GRIN2C: variants seen among roughly 807,000 people sequenced by gnomAD.
The protein encoded by GRIN2C is glutamate ionotropic receptor NMDA type subunit 2C.
A neutral mutation model predicts 77.7 loss-of-function variants in GRIN2C; 64 were observed. The observed-to-expected ratio is 0.82, with a 90% CI of 0.67 to 1.01. GRIN2C has a LOEUF of 1.01. GRIN2C is among the 50% of genes least tolerant of loss of function. GRIN2C has a pLI of 0.00. For missense variants in GRIN2C, 1,549 were observed against 1,486.0 expected (o/e 1.04, Z -0.70); for synonymous variants, 792 against 643.4 (o/e 1.23, Z -3.49).
At chr17:74,861,107 CGAA>C (rs1230927863), upstream of GRIN2C, among the ~76,000 whole-genome samples, 1 of 152,192 alleles carries the variant, frequency 6.6e-6, no homozygotes, top group Non-Finnish European at 1.5e-5. Flanking sequence ...CCGCGCCAAG[CGAA>C]GGAGGAGGAG....
chr17:74,846,413 G>A lies in GRIN2C; in HGVS notation c.2163-160C>T, dbSNP rs1276954686. 6.6e-6 allele frequency among the ~76,000 whole-genome samples: 1 copy of A among 152,166 alleles called. No homozygotes were observed. Among genetic ancestry groups the A allele is most frequent in the Non-Finnish European group, 1.5e-5 (1 of 68,032 alleles). On this transcript the variant is annotated intron_variant, in intron 10 of 12. Coordinates refer to ENST00000293190, the MANE Select transcript of GRIN2C (RefSeq NM_000835.6). The surrounding 1 kb of genome is among the most constrained non-coding windows in gnomAD (Gnocchi z 4.4). ...CTGGTTCTCTTGGGTCCTGGATGGG[G>A]TGAGGACCCCTCCCACCCTCCTCTG...
intron 3 of GRIN2C, 39 bp from the exon 4 acceptor site, chr17:74,851,730 C>G: frequency 7.9e-7 from 1 of 1,265,716 alleles, no homozygotes; most frequent in Non-Finnish European, 1.1e-6. Flanking sequence ...CTGCCAAGGA[C>G]CAGGCACCCC....
In GRIN2C at chr17:74,852,398, G is replaced by A; in HGVS notation, c.613C>T (p.Pro205Ser). The stretch of plus-strand genomic sequence containing the variant: ...TGCGTGCGCGCGCGCGGCCCTCCCG[G>A]GCCCAGCTCCAGCGTGACCACGTCC... ...LLDVVTLELG[P>S]GGPRARTQRL... The change falls in exon 3 of 13, where the codon CCG becomes TCG. Residue 205 changes from proline to serine, a missense_variant. Physicochemically the swap from Pro to Ser is moderately conservative, Grantham distance 74. Around this residue, in one of 3 missense-constraint regions of GRIN2C, gnomAD observed 382 missense variants for 360.0 expected, o/e 1.06. Coordinates refer to ENST00000293190, the MANE Select transcript of GRIN2C (RefSeq NM_000835.6). 4 of 1,462,522 alleles carry A rather than the reference G, an allele frequency of 2.7e-6. No homozygotes were observed. Among genetic ancestry groups the A allele is most frequent in the Non-Finnish European group, 3.6e-6 (4 of 1,115,280 alleles). The allele number at this position is 1,462,522 out of a possible 1,614,324, so 90.6% of individuals were successfully genotyped here.
intron 11 of GRIN2C, among the ~76,000 whole-genome samples, chr17:74,845,081 C>T (rs1329589023): frequency 1.3e-5 from 2 of 151,260 alleles, no homozygotes; most frequent in African/African-American, 4.9e-5. Context: ...ACAGGCACAC[C>T]ACCACACCTG....
intron 11 of GRIN2C, among the ~76,000 whole-genome samples, 169 bp from the exon 12 acceptor site, chr17:74,844,677 G>A (rs541899566): frequency 6.6e-6 from 1 of 152,284 alleles, no homozygotes; most frequent in African/African-American, 2.4e-5. Flanking sequence ...AGGATGGTGG[G>A]GCGGGGAGTG....
chr17:74,852,049 G>A lies in GRIN2C; in HGVS notation c.962C>T (p.Pro321Leu). ...CTCCCGGGCAGGGCTGACGGGCCCA[G>A]GGTGAACACGGCAGTCCCCGGCCGG... The part of the protein sequence containing the change: ...PAPAGDCRVH[P>L]GPVSPAREAF... Residue 321 changes from proline (P) to leucine (L), a missense_variant, in exon 3 of 13, where the codon CCT (proline) becomes CTT (leucine). Transcript: ENST00000293190. 6.8e-7 allele frequency: 1 copy of A among 1,464,664 alleles called. No homozygotes were observed. Among genetic ancestry groups the A allele is most frequent in the Non-Finnish European group, 9.0e-7 (1 of 1,107,384 alleles). 90.7% of individuals were successfully genotyped at this position (1,464,664 alleles called of 1,614,324 possible).
intron 11 of GRIN2C, among the ~76,000 whole-genome samples, chr17:74,844,786 G>A (rs985674312): frequency 2.6e-5 from 4 of 152,134 alleles, no homozygotes; most frequent in Non-Finnish European, 5.9e-5. Context: ...GTAAAGGCTT[G>A]TGATTGGGTA....
chr17:74,852,853 C>T (rs1021299723), intron 2 of GRIN2C: 1 of 408,604 alleles, frequency 2.4e-6, no homozygotes, highest in African/African-American at 2.1e-5. Context: ...ATCAGCACCA[C>T]TGGGGAGTTT....
rs759809571 is a variant in GRIN2C at position 74,842,475 on chromosome 17, C to T, written c.3662G>A (p.Cys1221Tyr). 9 of 777,562 alleles carry T rather than the reference C, an allele frequency of 1.2e-5. No individual in the cohort carries two copies. Among genetic ancestry groups the T allele is most frequent in the Admixed American group, 8.6e-5 (5 of 58,456 alleles). 48.2% of individuals were successfully genotyped at this position (777,562 alleles called of 1,614,324 possible). A position where few individuals can be genotyped will look rare whatever the true frequency, so the allele number is the denominator to read the frequency against. The change falls in exon 13 of 13, where the codon TGC (cysteine) becomes TAC (tyrosine). Residue 1221 changes from cysteine (C) to tyrosine (Y), a missense_variant. Physicochemically the swap from Cys to Tyr is radical, Grantham distance 194. Coordinates refer to ENST00000293190, the MANE Select transcript of GRIN2C (RefSeq NM_000835.6). ...ARGTQGFPGP[C>Y]TWRRISSLES... ...CAGACTGGAGATCCGTCTCCAGGTG[C>T]AGGGTCCCGGGAAGCCTTGCGTCCC...
At chr17:74,844,164 A>G (rs1382867483) in intron 12 of GRIN2C, 112 bp downstream of exon 12, 3 of 1,504,110 alleles carry the variant, frequency 2.0e-6, no homozygotes, top group East Asian at 4.7e-5. Context: ...GTGAGCCATG[A>G]GCCGGGCCAG....
rs753940476 is a variant in GRIN2C at position 74,847,418 on chromosome 17, C to T, written c.1891G>A (p.Val631Ile). 30 of 1,613,974 alleles carry T rather than the reference C, an allele frequency of 1.9e-5. No individual in the cohort carries two copies. The highest frequency in any genetic ancestry group is 2.5e-5 in the Non-Finnish European group (29 of 1,179,976). The part of the protein sequence containing the change: ...RGTTSKIMVL[V>I]WAFFAVIFLA... ...AAGATGACAGCAAAGAAGGCCCAGA[C>T]CAGAACCATGATCTTGCTGGTGGTG... is the stretch of plus-strand genomic sequence containing the variant. The change falls in exon 9 of 13, where the codon GTC becomes ATC. Residue 631 changes from valine (V) to isoleucine (I), a missense_variant. This residue lies in a region of GRIN2C where 717 missense variants were observed against 858.1 expected (regional missense o/e 0.84). Coordinates refer to ENST00000293190, the MANE Select transcript of GRIN2C (RefSeq NM_000835.6). This position sits in a 1 kb window ranked among gnomAD's most constrained non-coding sequence, Gnocchi z 5.2.
chr17:74,843,681 C>T, intron 12 of GRIN2C, 128 bp from the exon 13 acceptor site: 1 of 1,256,132 alleles, frequency 8.0e-7, no homozygotes, highest in East Asian at 2.6e-5. Context: ...AACTGTGAAG[C>T]ATCTCCCATG....
chr17:74,848,692 T>A (rs2037536949), intron 7 of GRIN2C, among the ~76,000 whole-genome samples: 1 of 143,298 alleles, frequency 7.0e-6, no homozygotes, highest in Non-Finnish European at 1.5e-5. Context: ...AGAGCAAGAC[T>A]CATTCTCAAA....
rs2037359791 is a variant in GRIN2C, at chr17:74,843,383, G to A, written c.2754C>T (p.Arg918=). The change falls in exon 13 of 13, where the codon CGC becomes CGT. Residue 918 remains arginine, a synonymous_variant. Transcript: ENST00000293190. ...GVSSSLDRAT[R]TIENWGGGRR... is the part of the protein sequence containing the mutation. ...GGCCGCCACCCCAATTCTCGATGGTGCGAGTGGCGCGGTCCAGGGAGCTGC... is the reference window on the plus strand; with the variant it reads ...GGCCGCCACCCCAATTCTCGATGGTACGAGTGGCGCGGTCCAGGGAGCTGC... The A allele has an allele frequency of 6.5e-7, 1 of 1,532,404 alleles. No homozygotes were observed. Among genetic ancestry groups the A allele is most frequent in the South Asian group, 1.2e-5 (1 of 83,700 alleles). The allele number at this position is 1,532,404 out of a possible 1,614,324, so 94.9% of individuals were successfully genotyped here.
chr17:74,851,924 G>T (rs1281244774), intron 3 of GRIN2C, 89 bp downstream of exon 3: 1 of 989,608 alleles, frequency 1.0e-6, no homozygotes, highest in Non-Finnish European at 1.5e-6. Flanking sequence ...CTAGTGGGAG[G>T]TGTGGCTGGC....
rs201556553 is a variant in GRIN2C, at chr17:74,849,946, C to G, written c.1492-13G>C. 4 of 1,608,876 alleles carry G rather than the reference C, an allele frequency of 2.5e-6. No individual in the cohort carries two copies. Among genetic ancestry groups the G allele is most frequent in the Non-Finnish European group, 3.4e-6 (4 of 1,178,234 alleles). ...GCTTGTAGTACACCTGGGGGCCGGA[C>G]GCCACGGAGGTTTGAAAAAGGGGCT... On this transcript the variant is annotated splice_polypyrimidine_tract_variant and intron_variant, in intron 6 of 12. Coordinates refer to ENST00000293190, the MANE Select transcript of GRIN2C (RefSeq NM_000835.6). The surrounding 1 kb of genome is among the most constrained non-coding windows in gnomAD (Gnocchi z 4.6).
At position 74,854,901 on chromosome 17, in the gene GRIN2C, C is replaced by A. The variant is rs201036574; in HGVS notation, c.192G>T (p.Pro64=). ...TGGTGGTGTTGACCCCAACTGTGAG[C>A]GGCTGGATCTCCAGGGGTAGGTCCA... ...SFLDLPLEIQ[P]LTVGVNTTNP... is the part of the protein sequence containing the mutation. The change falls in exon 2 of 13, where the codon CCG becomes CCT. Residue 64 remains proline (P), a synonymous_variant. Coordinates refer to ENST00000293190, the MANE Select transcript of GRIN2C (RefSeq NM_000835.6). 14 of 1,612,690 alleles carry A rather than the reference C, an allele frequency of 8.7e-6. 1 individual carries two copies. The South Asian group carries it at 9.9e-5, about 11-fold the overall frequency.
chr17:74,853,014 A>C, intron 2 of GRIN2C: 5 of 172,576 alleles, frequency 2.9e-5, no homozygotes, highest in Non-Finnish European at 4.9e-5. Flanking sequence ...CTGAATCTGA[A>C]TTCCAGAGGT....
chr17:74,859,404 T>G lies in GRIN2C; in HGVS notation c.-16+340A>C, dbSNP rs1426215595. On this transcript the variant is annotated intron_variant, in intron 1 of 12. Coordinates refer to ENST00000293190, the MANE Select transcript of GRIN2C (RefSeq NM_000835.6). The surrounding 1 kb of genome is among the most constrained non-coding windows in gnomAD (Gnocchi z 5.9). ...TGCACACACATGCACACTCCCGCAC[T>G]CATACCCGCTCACATCTGAGATACC... Among the ~76,000 whole-genome samples, 2 of 151,720 alleles carry G rather than the reference T, an allele frequency of 1.3e-5. No individual in the cohort carries two copies. The highest frequency in any genetic ancestry group is 2.4e-5 in the African/African-American group (1 of 41,272).
Sources: allele counts gnomAD v4.1 joint callset (sites outside exome capture counted in the v4.1 genomes callset), GRCh38; gene constraint gnomAD v4.1.1; regional missense constraint gnomAD v4.1.1; non-coding constraint Gnocchi (gnomAD v3.1); transcripts MANE v1.5; gene names NCBI Gene and HGNC (gene_info 2026-07-23, HGNC 2026-07-21).